The following NRN1 variants were observed in gnomAD, a reference collection of about 807,000 sequenced individuals.
NRN1 encodes the protein neuritin 1, also known as neuritin.
In NRN1, 4 loss-of-function variants were observed where a neutral mutation model predicts 15.0. The ratio of observed to expected loss-of-function variants is 0.27; its 90% CI spans 0.13 to 0.61. The LOEUF is 0.61. Among genes scored for constraint, NRN1 ranks in the 20% least tolerant of loss-of-function variants. NRN1 has a pLI of 0.87. For synonymous variants in NRN1, 85 were observed against 79.8 expected, an observed-to-expected ratio of 1.07 and a Z score of -0.35; for missense variants, 134 against 181.9, an observed-to-expected ratio of 0.74 and a Z score of 1.51.
chr6:6,003,628 T>C, intron 1 of NRN1: 2 of 1,009,520 alleles, frequency 2.0e-6, no homozygotes, highest in Non-Finnish European at 2.6e-6. Flanking sequence ...CGCACGAAGG[T>C]CCAAGCCCCA....
chr6:5,998,844 C>G lies in NRN1; in HGVS notation c.*132G>C. On this transcript the variant is annotated 3_prime_UTR_variant, in exon 3 of 3. Coordinates refer to ENST00000244766, the MANE Select transcript of NRN1 (RefSeq NM_016588.3). ...AATAAAAAAGAGAATCAGGATTTCCCACAATCCTATATGAGTGTTTTCAGC... is the reference window on the plus strand; with the variant it reads ...AATAAAAAAGAGAATCAGGATTTCCGACAATCCTATATGAGTGTTTTCAGC... The G allele has an allele frequency of 1.5e-6, 1 of 646,994 alleles. No homozygotes were observed. Among genetic ancestry groups the G allele is most frequent in the Non-Finnish European group, 2.6e-6 (1 of 378,220 alleles). The allele number at this position is 646,994 out of a possible 1,614,324, so 40.1% of individuals were successfully genotyped here.
rs1554145373 is a variant in NRN1, at chr6:6,000,748, T to TTTTTTTA, written c.201-1545_201-1544insTAAAAAA. Among the ~76,000 whole-genome samples, 110 of 99,126 alleles carry TTTTTTTA rather than the reference T, an allele frequency of 1.1e-3. 8 individuals carry two copies. The highest frequency in any genetic ancestry group is 6.8e-3 in the Middle Eastern group (1 of 148). The allele number at this position is 99,126 out of a possible 152,430, so 65.0% of individuals were successfully genotyped here. A position where few individuals can be genotyped will look rare whatever the true frequency, so the allele number is the denominator to read the frequency against. On this transcript the variant is annotated intron_variant, in intron 2 of 2. Transcript: ENST00000244766. ...TTTTTTTTTTTTTTTTTTTTTTTTT[T>TTTTTTTA]ATGTACGCCCAGATGAGGGCAGAGT...
intron 1 of NRN1, 150 bp downstream of exon 1, chr6:6,006,545 T>C (rs958735356): frequency 1.6e-5 from 11 of 686,570 alleles, no homozygotes; most frequent in African/African-American, 1.4e-4. Flanking sequence ...GACGCGCTAG[T>C]CCCCAGGAAC....
upstream of NRN1, among the ~76,000 whole-genome samples, chr6:6,007,280 C>T (rs1582996248): frequency 2.0e-5 from 3 of 151,934 alleles, no homozygotes; most frequent in African/African-American, 4.8e-5. Flanking sequence ...GGGGCTCCCC[C>T]TCCCTTCCCC....
chr6:6,001,043 C>A (rs959416568), intron 2 of NRN1, among the ~76,000 whole-genome samples: 1 of 152,190 alleles, frequency 6.6e-6, no homozygotes, highest in Admixed American at 6.5e-5. Flanking sequence ...TATAGATATA[C>A]ATTCTTATCC....
intron 1 of NRN1, among the ~76,000 whole-genome samples, chr6:6,004,474 A>G (rs1385159498): frequency 1.3e-5 from 2 of 152,150 alleles, no homozygotes; most frequent in African/African-American, 2.4e-5. Context: ...CCTAAAATGC[A>G]TTGACATTTT....
chr6:6,003,675 C>G (rs1758029071), intron 1 of NRN1: 9 of 1,231,638 alleles, frequency 7.3e-6, no homozygotes, highest in East Asian at 3.2e-5. Context: ...GGCCAAACCC[C>G]GAGGCGCGGG....
At chr6:6,005,410 A>G (rs953488474) in intron 1 of NRN1, among the ~76,000 whole-genome samples, 1 of 152,208 alleles carries the variant, frequency 6.6e-6, no homozygotes, top group Non-Finnish European at 1.5e-5. Context: ...GAAAACACCA[A>G]TATCCTGCAC....
chr6:6,002,056 C>T (rs950495276), intron 2 of NRN1, among the ~76,000 whole-genome samples: 85 of 152,382 alleles, frequency 5.6e-4, no homozygotes, highest in African/African-American at 1.9e-3. Flanking sequence ...TGGCTCCCAG[C>T]ATGTCGAGCA....
At chr6:6,007,023 T>G, upstream of NRN1, 1 of 459,176 alleles carries the variant, frequency 2.2e-6, no homozygotes, top group Non-Finnish European at 3.9e-6. Flanking sequence ...AAGTACAGCC[T>G]CACGCCCACG....
chr6:6,000,781 G>A (rs685127), intron 2 of NRN1, among the ~76,000 whole-genome samples: 39,266 of 109,724 alleles, frequency 0.36, 9,735 homozygotes, highest in East Asian at 0.75. Context: ...AGTTCTGAGG[G>A]ACCTGGTAGA....
intron 1 of NRN1, among the ~76,000 whole-genome samples, chr6:6,004,945 C>G (rs1302703113): frequency 6.6e-6 from 1 of 150,640 alleles, no homozygotes; most frequent in Non-Finnish European, 1.5e-5. Flanking sequence ...ACTTTTCTTG[C>G]CAAATGTCAA....
At chr6:6,005,228 C>G (rs1361686419) in intron 1 of NRN1, among the ~76,000 whole-genome samples, 5 of 152,204 alleles carry the variant, frequency 3.3e-5, no homozygotes, top group African/African-American at 7.2e-5. Context: ...AAACAACTCT[C>G]TCTCCTGCTC....
intron 1 of NRN1, among the ~76,000 whole-genome samples, chr6:6,005,292 T>G (rs1425725165): frequency 6.6e-6 from 1 of 152,230 alleles, no homozygotes; most frequent in African/African-American, 2.4e-5. Context: ...TTTCCAACAT[T>G]TAAGGAATTT....
intron 1 of NRN1, chr6:6,003,574 A>C: frequency 3.2e-6 from 2 of 632,224 alleles, no homozygotes; most frequent in Non-Finnish European, 4.5e-6. Flanking sequence ...GGCAGGGATA[A>C]AAGCTGAGCG....
chr6:6,003,705 G>A (rs547881915), intron 1 of NRN1: 2 of 1,234,392 alleles, frequency 1.6e-6, no homozygotes, highest in South Asian at 4.1e-5. Flanking sequence ...ACAGGTACCA[G>A]GCTGCGGGCG....
chr6:6,005,897 A>T (rs1758098392), intron 1 of NRN1, among the ~76,000 whole-genome samples: 1 of 152,222 alleles, frequency 6.6e-6, no homozygotes, highest in Admixed American at 6.5e-5. Flanking sequence ...AACATTCCTT[A>T]ACATAAAATG....
At position 5,998,962 on chromosome 6, in the gene NRN1, A is replaced by T; in HGVS notation, c.*14T>A. 1 of 1,586,882 alleles carries T rather than the reference A, an allele frequency of 6.3e-7. No homozygotes were observed. On this transcript the variant is annotated 3_prime_UTR_variant, in exon 3 of 3. Transcript: ENST00000244766. ...TGAGTGTGGGTGGGCGCGCGGGGGGAGCTGGCCCCACGCTCAGAAGGAAAG... is the reference window on the plus strand; with the variant it reads ...TGAGTGTGGGTGGGCGCGCGGGGGGTGCTGGCCCCACGCTCAGAAGGAAAG...
chr6:6,003,073 T>G (rs1758003719), intron 1 of NRN1: 1 of 720,788 alleles, frequency 1.4e-6, no homozygotes, highest in Non-Finnish European at 1.9e-6. Flanking sequence ...TGGTGGGCGC[T>G]CAGCAAACAC....
Sources: allele counts gnomAD v4.1 joint callset (sites outside exome capture counted in the v4.1 genomes callset), GRCh38; gene constraint gnomAD v4.1.1; transcripts MANE v1.5; gene names NCBI Gene and HGNC (gene_info 2026-07-23, HGNC 2026-07-21).